Variants in XDH observed in about 807,000 individuals in gnomAD.
XDH encodes xanthine dehydrogenase/oxidase.
A neutral mutation model predicts 156.1 loss-of-function variants in XDH; 138 were observed. The observed-to-expected ratio is 0.88, with a 90% confidence interval of 0.77 to 1.02. The LOEUF is 1.02. Among genes scored for constraint, XDH ranks in the 50% least tolerant of loss-of-function variants. The pLI is 0.00. For synonymous variants in XDH, 669 were observed against 625.7 expected, an observed-to-expected ratio of 1.07 and a Z score of -1.03; for missense variants, 1,849 against 1,684.9, an observed-to-expected ratio of 1.10 and a Z score of -1.71.
In XDH at chr2:31,346,828, T is replaced by C. The variant is rs1434703049; in HGVS notation, c.3292A>G (p.Ile1098Val). ...GQAVYAACQT[I>V]LKRLEPYKKK... Reference sequence around the variant, plus strand: ...TTGTAGGGTTCCAGCCTTTTCAAGATGGTCTGACAAGCCGCCTAAAGTAAA... The same window carrying C: ...TTGTAGGGTTCCAGCCTTTTCAAGACGGTCTGACAAGCCGCCTAAAGTAAA... Residue 1098 changes from isoleucine (I) to valine (V), a missense_variant, in exon 30 of 36, where the codon ATC (isoleucine) becomes GTC (valine). Physicochemically the swap from Ile to Val is conservative, Grantham distance 29. Coordinates refer to ENST00000379416, the MANE Select transcript of XDH (RefSeq NM_000379.4). 1 of 1,614,074 alleles carries C rather than the reference T, an allele frequency of 6.2e-7. No individual in the cohort carries two copies.
chr2:31,350,161 A>G lies in XDH; in HGVS notation c.2694T>C (p.Thr898=). The change falls in exon 25 of 36, where the codon ACT becomes ACC. Residue 898 remains threonine (T), a synonymous_variant. Transcript: ENST00000379416. ...GAAGGTTGGTTTTGCACAGCCGCCC[A>G]GTGCCCCGGATGTTGGGGATTTTAT... ...NCYKIPNIRG[T]GRLCKTNLPS... 6.2e-7 allele frequency: 1 copy of G among 1,614,202 alleles called. No individual in the cohort carries two copies.
At chr2:31,392,416 A>ATTAC (rs1553311485) in intron 6 of XDH, among the ~76,000 whole-genome samples, 2 of 149,740 alleles carry the variant, frequency 1.3e-5, no homozygotes, top group East Asian at 3.9e-4. Context: ...TTTTATTTTT[A>ATTAC]TTATTTATTT....
chr2:31,364,874 G>C (rs1685867072), intron 23 of XDH, among the ~76,000 whole-genome samples: 1 of 152,186 alleles, frequency 6.6e-6, no homozygotes, highest in Admixed American at 6.5e-5. Flanking sequence ...CCAATTCATG[G>C]AGAGAGGGCT....
chr2:31,358,797 C>T (rs1048254674), intron 24 of XDH, among the ~76,000 whole-genome samples: 2 of 151,982 alleles, frequency 1.3e-5, no homozygotes, highest in East Asian at 3.8e-4. Context: ...AACAAACAAA[C>T]AAAACCCTAC....
rs1413268071 is a variant in XDH, at chr2:31,335,987, T to C, written c.3973A>G (p.Asn1325Asp). The C allele has an allele frequency of 6.2e-7, 1 of 1,614,200 alleles. No individual in the cohort carries two copies. The highest frequency in any genetic ancestry group is 8.5e-7 in the Non-Finnish European group (1 of 1,180,034). ...ACCCTCACAGACCAGGGTTTGCAGTTTTCTGGGACACCAGTGACACACTAG... is the reference window on the plus strand; with the variant it reads ...ACCCTCACAGACCAGGGTTTGCAGTCTTCTGGGACACCAGTGACACACTAG... ...TTLCVTGVPE[N>D]CKPWSVRV Residue 1325 changes from asparagine (N) to aspartate (D), a missense_variant, in exon 36 of 36, where the codon AAC becomes GAC. By Grantham distance (23) the Asn-to-Asp change is conservative (BLOSUM62 1). Transcript: ENST00000379416.
chr2:31,386,649 G>A lies in XDH; in HGVS notation c.652-94C>T, dbSNP rs975654034. ...TAAGTCCTCAATGGGATGTTTTACT[G>A]ACATTCAGAATGAAAATATCTAACA... On this transcript the variant is annotated intron_variant, in intron 8 of 35. Coordinates refer to ENST00000379416, the MANE Select transcript of XDH (RefSeq NM_000379.4). 1.2e-5 allele frequency: 18 copies of A among 1,514,026 alleles called. No homozygotes were observed. The Admixed American group carries it at 3.1e-4, about 26-fold the overall frequency. 93.8% of individuals were successfully genotyped at this position (1,514,026 alleles called of 1,614,324 possible). A position where few individuals can be genotyped will look rare whatever the true frequency, so the allele number is the denominator to read the frequency against.
chr2:31,364,466 CT>C (rs1685856515), intron 23 of XDH, among the ~76,000 whole-genome samples: 1 of 152,020 alleles, frequency 6.6e-6, no homozygotes, highest in Non-Finnish European at 1.5e-5. Flanking sequence ...CTCCCCACCC[CT>C]GGAAGCCCTT....
chr2:31,378,403 C>T (rs573313487), intron 13 of XDH, among the ~76,000 whole-genome samples: 3 of 152,250 alleles, frequency 2.0e-5, no homozygotes, highest in South Asian at 4.2e-4. Flanking sequence ...CTCACTCTGG[C>T]ACCACAAATT....
At chr2:31,348,823 C>A in intron 27 of XDH, 76 bp downstream of exon 27, 1 of 1,394,648 alleles carries the variant, frequency 7.2e-7, no homozygotes, top group Non-Finnish European at 1.0e-6. Context: ...ACGAAATTTC[C>A]CTTGCAATAC....
intron 4 of XDH, among the ~76,000 whole-genome samples, chr2:31,400,723 C>A (rs995485630): frequency 1.3e-5 from 2 of 152,234 alleles, no homozygotes; most frequent in Non-Finnish European, 2.9e-5. Context: ...ACTTGCTAAC[C>A]TCCAGTCTAA....
At chr2:31,399,741 T>C (rs1344598026) in intron 4 of XDH, among the ~76,000 whole-genome samples, 1 of 152,178 alleles carries the variant, frequency 6.6e-6, no homozygotes, top group Non-Finnish European at 1.5e-5. Context: ...AGGGTTTCTG[T>C]TTTCACTTAG....
intron 6 of XDH, among the ~76,000 whole-genome samples, chr2:31,396,750 G>A (rs902669368): frequency 6.6e-6 from 1 of 152,156 alleles, no homozygotes; most frequent in Non-Finnish European, 1.5e-5. Flanking sequence ...ATCTGAATTT[G>A]TGCTTTTAGG....
In XDH at chr2:31,346,807, AG is replaced by A; in HGVS notation, c.3312del (p.Tyr1105ThrfsTer22). ...GAGCCACTGGGATTCTTCTTCTTGTAGGGTTCCAGCCTTTTCAAGATGGTCT... is the reference window on the plus strand; with the variant it reads ...GAGCCACTGGGATTCTTCTTCTTGTAGGTTCCAGCCTTTTCAAGATGGTCT... Reference protein sequence around the residue: ...ACQTILKRLEPYKKKNPSGSW... With the variant: ...ACQTILKRLEXYKKKNPSGSW... On this transcript the variant is annotated frameshift_variant, in exon 30 of 36. Transcript: ENST00000379416. LOFTEE classifies it high-confidence loss of function. 1.2e-6 allele frequency: 2 copies of A among 1,614,072 alleles called. No homozygotes were observed. The highest frequency in any genetic ancestry group is 1.7e-6 in the Non-Finnish European group (2 of 1,180,022).
intron 1 of XDH, among the ~76,000 whole-genome samples, chr2:31,409,789 G>A (rs1687292600): frequency 6.6e-6 from 1 of 152,192 alleles, no homozygotes; most frequent in Admixed American, 6.5e-5. Flanking sequence ...CACTGTTGAT[G>A]GGAATGCAAA....
intron 34 of XDH, 106 bp from the exon 35 acceptor site, chr2:31,337,923 TG>T (rs1446492202): frequency 1.6e-6 from 2 of 1,286,022 alleles, no homozygotes; most frequent in Non-Finnish European, 2.1e-6. Context: ...CGAGGAGGGC[TG>T]GTGGCACCAG....
intron 24 of XDH, among the ~76,000 whole-genome samples, chr2:31,357,805 T>C (rs1316449465): frequency 6.6e-6 from 1 of 152,088 alleles, no homozygotes; most frequent in Admixed American, 6.6e-5. Flanking sequence ...TATGCCTGTA[T>C]CAAAACATCA....
At chr2:31,350,889 T>C (rs190324867) in intron 24 of XDH, among the ~76,000 whole-genome samples, 30 of 152,312 alleles carry the variant, frequency 2.0e-4, no homozygotes, top group Admixed American at 2.0e-3. Flanking sequence ...CTGTAAGTCA[T>C]GGTATGAAAA....
intron 31 of XDH, among the ~76,000 whole-genome samples, chr2:31,342,788 C>T (rs556061096): frequency 4.6e-5 from 7 of 152,248 alleles, no homozygotes; most frequent in East Asian, 3.9e-4. Context: ...CATCTTTAAG[C>T]GGCCACTCCC....
chr2:31,398,837 A>G, intron 4 of XDH, 138 bp from the exon 5 acceptor site: 1 of 1,406,762 alleles, frequency 7.1e-7, no homozygotes. Flanking sequence ...CAGTGCCACC[A>G]TTTACCAACT....
Sources: allele counts gnomAD v4.1 joint callset (sites outside exome capture counted in the v4.1 genomes callset), GRCh38; gene constraint gnomAD v4.1.1; transcripts MANE v1.5; gene names NCBI Gene and HGNC (gene_info 2026-07-23, HGNC 2026-07-21).